MLXIP: variants seen among roughly 807,000 people sequenced by gnomAD.
The protein encoded by MLXIP is MLX-interacting protein.
Under a neutral mutation model 87.2 loss-of-function variants are expected in MLXIP, and 30 were observed. The observed-to-expected ratio is 0.34, with a 90% confidence interval of 0.26 to 0.47. The LOEUF is 0.47. Ranked by LOEUF, MLXIP falls within the 20% of genes least tolerant of loss-of-function variation. MLXIP has a pLI of 1.00. For synonymous variants in MLXIP, 530 were observed against 514.0 expected, an observed-to-expected ratio of 1.03 and a Z score of -0.42; for missense variants, 1,002 against 1,240.1, an observed-to-expected ratio of 0.81 and a Z score of 2.88.
intron 8 of MLXIP, 172 bp downstream of exon 8, chr12:122,132,555 C>A: frequency 1.7e-6 from 1 of 600,250 alleles, no homozygotes; most frequent in Non-Finnish European, 3.0e-6. Context: ...CCCTCTTTTA[C>A]AGCATCCTTC....
intron 1 of MLXIP, among the ~76,000 whole-genome samples, chr12:122,080,570 C>G (rs537959909): frequency 3.5e-4 from 54 of 152,234 alleles, no homozygotes; most frequent in African/African-American, 3.9e-4. Context: ...CCTGAAACAC[C>G]CCTATTTCCT....
intron 1 of MLXIP, among the ~76,000 whole-genome samples, chr12:122,101,563 TTTA>T (rs1480400065): frequency 1.5e-5 from 2 of 131,374 alleles, no homozygotes; most frequent in African/African-American, 3.0e-5. Context: ...TATTTATTTA[TTTA>T]TTTTTTTCTT....
intron 1 of MLXIP, among the ~76,000 whole-genome samples, chr12:122,086,746 C>A (rs184683524): frequency 2.0e-5 from 3 of 152,142 alleles, no homozygotes; most frequent in Non-Finnish European, 4.4e-5. Flanking sequence ...CTGGTCACCT[C>A]ATGCTAATTC....
chr12:122,094,561 AGTGT>A (rs1458303088), intron 1 of MLXIP, among the ~76,000 whole-genome samples: 1 of 85,098 alleles, frequency 1.2e-5, no homozygotes. Flanking sequence ...GTGTGTTTGC[AGTGT>A]GTGTTGGTGT....
chr12:122,093,524 G>T (rs1186944088), intron 1 of MLXIP, among the ~76,000 whole-genome samples: 1 of 140,962 alleles, frequency 7.1e-6, no homozygotes, highest in Non-Finnish European at 1.5e-5. Context: ...TGTGTGGAGG[G>T]TGTGTGTGTT....
intron 1 of MLXIP, among the ~76,000 whole-genome samples, chr12:122,091,169 A>G (rs898433563): frequency 8.5e-5 from 13 of 152,192 alleles, no homozygotes; most frequent in Admixed American, 7.9e-4. Flanking sequence ...GACTTTCAAC[A>G]TTATCTTTAG....
At chr12:122,105,820 C>A (rs558730996) in intron 1 of MLXIP, among the ~76,000 whole-genome samples, 2 of 151,960 alleles carry the variant, frequency 1.3e-5, no homozygotes, top group Non-Finnish European at 2.9e-5. Flanking sequence ...CCTTTCCCCC[C>A]CTTCTTTTCC....
At chr12:122,139,964 G>T (rs1422592485) in intron 15 of MLXIP, among the ~76,000 whole-genome samples, 1 of 152,132 alleles carries the variant, frequency 6.6e-6, no homozygotes, top group Non-Finnish European at 1.5e-5. Flanking sequence ...GTGAGCCACC[G>T]TGCCCGGCCA....
rs546444000 is a variant in MLXIP at position 122,124,656 on chromosome 12, G to A, written c.414-2600G>A. Among the ~76,000 whole-genome samples the A allele has an allele frequency of 5.3e-5, 8 of 151,398 alleles. No homozygotes were observed. The East Asian group carries it at 1.4e-3, about 26-fold the overall frequency. ...GCAAACATAAGAGAAAGGACTTCAGGGCGGGGGTTGTTAAAAACATCATAC... is the reference window on the plus strand; with the variant it reads ...GCAAACATAAGAGAAAGGACTTCAGAGCGGGGGTTGTTAAAAACATCATAC... On this transcript the variant is annotated intron_variant, in intron 1 of 16. Coordinates refer to ENST00000319080, the MANE Select transcript of MLXIP (RefSeq NM_014938.6).
At chr12:122,098,746 A>G (rs890911998) in intron 1 of MLXIP, among the ~76,000 whole-genome samples, 2 of 152,192 alleles carry the variant, frequency 1.3e-5, no homozygotes, top group African/African-American at 4.8e-5. Context: ...CAAAGCCATC[A>G]TTGTTTTGAA....
intron 1 of MLXIP, among the ~76,000 whole-genome samples, chr12:122,094,638 TTGGTGTGTG>T (rs1367484061): frequency 4.5e-4 from 64 of 141,984 alleles, no homozygotes; most frequent in African/African-American, 1.4e-3. Context: ...GTCTGTGGTG[TTGGTGTGTG>T]TGGTGTGTTG....
At chr12:122,110,799 T>C (rs1480844575) in intron 1 of MLXIP, among the ~76,000 whole-genome samples, 2 of 149,432 alleles carry the variant, frequency 1.3e-5, no homozygotes, top group Non-Finnish European at 3.0e-5. Flanking sequence ...AAAAAAGGGC[T>C]GGGCGCAGTG....
At chr12:122,082,636 A>G (rs555053103) in intron 1 of MLXIP, among the ~76,000 whole-genome samples, 1 of 152,328 alleles carries the variant, frequency 6.6e-6, no homozygotes. Flanking sequence ...TGAAGGAAAT[A>G]GTGTATCTAA....
intron 1 of MLXIP, among the ~76,000 whole-genome samples, chr12:122,117,904 T>C (rs1250425236): frequency 1.3e-5 from 2 of 152,232 alleles, no homozygotes; most frequent in African/African-American, 4.8e-5. Flanking sequence ...ATTGCATGGA[T>C]AGAAAATCTG....
At chr12:122,108,429 A>G (rs967905615) in intron 1 of MLXIP, among the ~76,000 whole-genome samples, 2 of 151,778 alleles carry the variant, frequency 1.3e-5, no homozygotes, top group African/African-American at 2.4e-5. Flanking sequence ...GGATTTTGCC[A>G]TCAGAGGAAT....
intron 9 of MLXIP, 31 bp downstream of exon 9, chr12:122,134,018 C>A (rs994859137): frequency 1.9e-6 from 3 of 1,559,296 alleles, no homozygotes; most frequent in Non-Finnish European, 2.6e-6. Context: ...CAGTGCGGGG[C>A]TCCCCCCGAC....
chr12:122,102,529 A>C (rs1952452915), intron 1 of MLXIP, among the ~76,000 whole-genome samples: 1 of 152,212 alleles, frequency 6.6e-6, no homozygotes, highest in Non-Finnish European at 1.5e-5. Context: ...ACATGGAGTT[A>C]CCATGTGACC....
chr12:122,136,534 TG>T (rs1217122638), intron 11 of MLXIP: 1 of 143,986 alleles, frequency 6.9e-6, no homozygotes, highest in Non-Finnish European at 1.5e-5. Flanking sequence ...GAGACCGAGA[TG>T]GGAGAATCAC....
rs376544822 is a variant in MLXIP, at chr12:122,141,709, G to A, written c.2657G>A (p.Arg886Gln). The A allele has an allele frequency of 5.6e-6, 9 of 1,613,684 alleles. No individual in the cohort carries two copies. The highest frequency in any genetic ancestry group is 2.2e-5 in the East Asian group (1 of 44,888). ...CTTGCAGTGGTATTGAGCACGCTGCGGCAGCTGAGCACCTCCACCTCCATC... is the reference window on the plus strand; with the variant it reads ...CTTGCAGTGGTATTGAGCACGCTGCAGCAGCTGAGCACCTCCACCTCCATC... ...ILRPMVLSTL[R>Q]QLSTSTSILT... The change falls in exon 17 of 17, where the codon CGG (arginine) becomes CAG (glutamine). Residue 886 changes from arginine (R) to glutamine (Q), a missense_variant. Around this residue, in one of 3 missense-constraint regions of MLXIP, gnomAD observed 746 missense variants for 897.0 expected, o/e 0.83. Transcript: ENST00000319080.
Sources: allele counts gnomAD v4.1 joint callset (sites outside exome capture counted in the v4.1 genomes callset), GRCh38; gene constraint gnomAD v4.1.1; regional missense constraint gnomAD v4.1.1; transcripts MANE v1.5; gene names NCBI Gene and HGNC (gene_info 2026-07-23, HGNC 2026-07-21).